Variants in ARID2 observed in about 807,000 individuals in gnomAD.
ARID2 encodes the protein AT-rich interaction domain 2.
In ARID2, 32 loss-of-function variants were observed where a neutral mutation model predicts 184.6. The ratio of observed to expected loss-of-function variants is 0.17; its 90% CI spans 0.13 to 0.23. ARID2 has a LOEUF of 0.23. ARID2 is among the 10% of genes least tolerant of loss of function. The probability of loss-of-function intolerance (pLI) is 1.00; values close to 1 mark genes in which losing one functional copy is unlikely to be tolerated. For missense variants in ARID2, 1,696 were observed against 2,197.6 expected, an observed-to-expected ratio of 0.77 and a Z score of 4.56; for synonymous variants, 836 against 772.6, an observed-to-expected ratio of 1.08 and a Z score of -1.36.
chr12:45,798,007 A>G (rs1565600058), intron 3 of ARID2, among the ~76,000 whole-genome samples: 2 of 152,112 alleles, frequency 1.3e-5, no homozygotes, highest in East Asian at 3.8e-4. Flanking sequence ...ATTTCATTCT[A>G]AAAATATATG....
chr12:45,745,633 C>T (rs1168058359), intron 3 of ARID2, among the ~76,000 whole-genome samples: 1 of 152,200 alleles, frequency 6.6e-6, no homozygotes, highest in African/African-American at 2.4e-5. Flanking sequence ...CTGCAACCTC[C>T]ACCTCCTGGG....
intron 4 of ARID2, among the ~76,000 whole-genome samples, chr12:45,814,507 A>G (rs1256442482): frequency 1.3e-5 from 2 of 152,110 alleles, no homozygotes; most frequent in African/African-American, 2.4e-5. Flanking sequence ...AAAATTGGCC[A>G]GGTGTGGTGT....
At chr12:45,885,633 C>G (rs760944071) in intron 16 of ARID2, among the ~76,000 whole-genome samples, 1 of 152,150 alleles carries the variant, frequency 6.6e-6, no homozygotes, top group Non-Finnish European at 1.5e-5. Flanking sequence ...GGGTAATTTG[C>G]AAAGGAAAGA....
At chr12:45,807,725 G>C (rs1045768900) in intron 3 of ARID2, among the ~76,000 whole-genome samples, 48 of 152,094 alleles carry the variant, frequency 3.2e-4, no homozygotes, top group Admixed American at 2.9e-3. Flanking sequence ...GTAGTTTTCT[G>C]TGTGAATTGA....
chr12:45,810,945 C>T (rs867834479), intron 3 of ARID2, among the ~76,000 whole-genome samples: 1 of 152,142 alleles, frequency 6.6e-6, no homozygotes, highest in Non-Finnish European at 1.5e-5. Flanking sequence ...CGCGGTGGCT[C>T]ATGCCTGTAA....
chr12:45,866,909 G>T (rs1943839901), intron 16 of ARID2, among the ~76,000 whole-genome samples: 1 of 151,702 alleles, frequency 6.6e-6, no homozygotes, highest in Non-Finnish European at 1.5e-5. Flanking sequence ...GTTTTGTTTT[G>T]TTGGGTTGTT....
chr12:45,872,045 A>AT (rs201650608), intron 16 of ARID2, among the ~76,000 whole-genome samples: 5 of 151,084 alleles, frequency 3.3e-5, no homozygotes, highest in South Asian at 2.1e-4. Context: ...ATTTTATTGA[A>AT]TTTTTTTTCC....
intron 16 of ARID2, among the ~76,000 whole-genome samples, chr12:45,871,129 G>C (rs1592133526): frequency 6.6e-6 from 1 of 152,274 alleles, no homozygotes; most frequent in African/African-American, 2.4e-5. Flanking sequence ...ATTTAGTTTT[G>C]TCAGTGTTTT....
chr12:45,780,702 TC>T (rs1942072622), intron 3 of ARID2, among the ~76,000 whole-genome samples: 1 of 152,132 alleles, frequency 6.6e-6, no homozygotes, highest in Non-Finnish European at 1.5e-5. Context: ...CACTGCAACC[TC>T]TGCCTGCCGG....
In ARID2 at chr12:45,905,160, A is replaced by C; in HGVS notation, c.*82A>C. 10 of 1,417,224 alleles carry C rather than the reference A, an allele frequency of 7.1e-6. No individual in the cohort carries two copies. Among genetic ancestry groups the C allele is most frequent in the Non-Finnish European group, 8.6e-6 (9 of 1,045,084 alleles). 87.8% of individuals were successfully genotyped at this position (1,417,224 alleles called of 1,614,324 possible). A position where few individuals can be genotyped will look rare whatever the true frequency, so the allele number is the denominator to read the frequency against. Reference sequence around the variant, plus strand: ...TTACTGAAGAAAGCACCAAGTCTTAATGGAACAAAGACCATAGAATGAATT... The same window carrying C: ...TTACTGAAGAAAGCACCAAGTCTTACTGGAACAAAGACCATAGAATGAATT... On this transcript the variant is annotated 3_prime_UTR_variant, in exon 21 of 21. Transcript: ENST00000334344.
Position 45,742,498 on chromosome 12 carries a change from A to G in ARID2, c.284+11184A>G, listed in dbSNP as rs184720415. On this transcript the variant is annotated intron_variant, in intron 3 of 20. Transcript: ENST00000334344. The stretch of plus-strand genomic sequence containing the variant: ...ACAAATTTTATTTATGAATATGTAA[A>G]ACACGTAAGATTAAGCCTAGTTTCC... Among the ~76,000 whole-genome samples the G allele has an allele frequency of 2.3e-3, 350 of 152,298 alleles. 3 individuals are homozygous for G. Among genetic ancestry groups the G allele is most frequent in the African/African-American group, 7.7e-3 (319 of 41,576 alleles).
chr12:45,788,665 A>G (rs192496788), intron 3 of ARID2, among the ~76,000 whole-genome samples: 1 of 152,156 alleles, frequency 6.6e-6, no homozygotes, highest in Admixed American at 6.5e-5. Context: ...TTTCTTTTGT[A>G]TTCCCCAAAC....
At chr12:45,749,133 G>A (rs868027966) in intron 3 of ARID2, among the ~76,000 whole-genome samples, 1 of 152,256 alleles carries the variant, frequency 6.6e-6, no homozygotes, top group South Asian at 2.1e-4. Context: ...AGCTATAACT[G>A]TACAAAATGT....
At chr12:45,840,948 G>A (rs1943332433) in intron 11 of ARID2, 1 of 152,160 alleles carries the variant, frequency 6.6e-6, no homozygotes, top group South Asian at 2.1e-4. Context: ...TTGACTGCCA[G>A]TCTATTCAAT....
At chr12:45,731,125 C>A in intron 2 of ARID2, 92 bp from the exon 3 acceptor site, 2 of 936,376 alleles carry the variant, frequency 2.1e-6, no homozygotes, top group Non-Finnish European at 1.7e-6. Flanking sequence ...TAGGTATCTA[C>A]AGATCTCTGT....
intron 16 of ARID2, among the ~76,000 whole-genome samples, chr12:45,872,624 C>T (rs146884047): frequency 2.0e-5 from 3 of 152,292 alleles, no homozygotes; most frequent in East Asian, 3.9e-4. Context: ...CTTATAAAAT[C>T]GTCAGATCTC....
At chr12:45,853,172 G>T (rs1565625440) in intron 15 of ARID2, among the ~76,000 whole-genome samples, 1 of 152,144 alleles carries the variant, frequency 6.6e-6, no homozygotes, top group Non-Finnish European at 1.5e-5. Context: ...ATCTTTTGGA[G>T]AATTTAAAAA....
intron 16 of ARID2, among the ~76,000 whole-genome samples, chr12:45,869,503 G>A (rs535128912): frequency 3.3e-5 from 5 of 151,856 alleles, no homozygotes; most frequent in African/African-American, 1.2e-4. Context: ...CTTATATTTA[G>A]TTGTTATAAA....
intron 6 of ARID2, among the ~76,000 whole-genome samples, chr12:45,828,275 A>T (rs1382841089): frequency 6.6e-6 from 1 of 151,962 alleles, no homozygotes; most frequent in Non-Finnish European, 1.5e-5. Flanking sequence ...TGAAAGTTTC[A>T]TGCATATCGT....
Sources: gnomAD v4.1 joint callset for allele counts (sites outside exome capture counted in the v4.1 genomes callset) on GRCh38, gnomAD v4.1.1 for gene constraint, MANE v1.5 for transcripts, NCBI Gene and HGNC (gene_info 2026-07-23, HGNC 2026-07-21) for gene names.